Variants in MEIS2 observed in about 807,000 individuals in gnomAD.
The protein encoded by MEIS2 is homeobox protein Meis2.
In MEIS2, 9 loss-of-function variants were observed where a neutral mutation model predicts 58.6. The observed-to-expected ratio is 0.15, with a 90% CI of 0.09 to 0.27. The LOEUF is 0.27. Among genes scored for constraint, MEIS2 ranks in the 10% least tolerant of loss-of-function variants. The probability of loss-of-function intolerance (pLI) is 1.00; values close to 1 mark genes in which losing one functional copy is unlikely to be tolerated. For missense variants in MEIS2, 427 were observed against 635.0 expected (o/e 0.67, Z 3.52); for synonymous variants, 221 against 228.4 (o/e 0.97, Z 0.29).
intron 9 of MEIS2, among the ~76,000 whole-genome samples, chr15:36,935,539 T>G (rs1239815776): frequency 6.6e-6 from 1 of 152,180 alleles, no homozygotes; most frequent in Non-Finnish European, 1.5e-5. Context: ...AAGAGAGAGC[T>G]TTAACTTTTC....
intron 10 of MEIS2, 110 bp from the exon 11 acceptor site, chr15:36,895,371 C>T (rs2056118801): frequency 1.1e-6 from 1 of 893,838 alleles, no homozygotes; most frequent in Non-Finnish European, 1.7e-6. Context: ...ATGTGGTTGG[C>T]ACTCTACAAA....
At chr15:36,962,895 A>G (rs2050816124) in intron 8 of MEIS2, among the ~76,000 whole-genome samples, 1 of 152,266 alleles carries the variant, frequency 6.6e-6, no homozygotes, top group South Asian at 2.1e-4. Flanking sequence ...AATCTAAGAT[A>G]CTATTTGTAT....
intron 8 of MEIS2, among the ~76,000 whole-genome samples, chr15:36,952,927 A>T (rs1413221186): frequency 3.3e-5 from 5 of 152,068 alleles, no homozygotes; most frequent in Non-Finnish European, 7.4e-5. Context: ...CACAATCATT[A>T]AAAAAATTGG....
chr15:36,979,919 A>G (rs972462104), intron 8 of MEIS2, among the ~76,000 whole-genome samples: 2 of 149,550 alleles, frequency 1.3e-5, no homozygotes, highest in African/African-American at 4.9e-5. Context: ...AGGATTATAT[A>G]AAAACCCCAT....
chr15:37,030,676 AG>A (rs1442971655), intron 8 of MEIS2, among the ~76,000 whole-genome samples: 1 of 151,436 alleles, frequency 6.6e-6, no homozygotes, highest in East Asian at 1.9e-4. Flanking sequence ...TCTTTGAGAC[AG>A]GGTCTCACTT....
intron 7 of MEIS2, among the ~76,000 whole-genome samples, chr15:37,050,102 A>G (rs750600460): frequency 1.3e-5 from 2 of 152,124 alleles, no homozygotes; most frequent in Non-Finnish European, 2.9e-5. Context: ...TCCACTCTCA[A>G]TTCTATTGCA....
At chr15:37,021,456 A>G (rs954791250) in intron 8 of MEIS2, among the ~76,000 whole-genome samples, 1 of 152,212 alleles carries the variant, frequency 6.6e-6, no homozygotes, top group Non-Finnish European at 1.5e-5. Context: ...GAAAACTCCA[A>G]TATGTATGAC....
intron 6 of MEIS2, among the ~76,000 whole-genome samples, chr15:37,089,307 C>G (rs887589519): frequency 2.6e-5 from 4 of 152,016 alleles, no homozygotes; most frequent in African/African-American, 9.7e-5. Context: ...ATAGAACAAC[C>G]ACTTGAACCT....
In MEIS2 at chr15:36,895,277, C is replaced by A. The variant is rs941788517; in HGVS notation, c.1037-16G>T. The A allele has an allele frequency of 6.2e-7, 1 of 1,604,036 alleles. No homozygotes were observed. Among genetic ancestry groups the A allele is most frequent in the South Asian group, 1.1e-5 (1 of 90,804 alleles). On this transcript the variant is annotated splice_polypyrimidine_tract_variant and intron_variant, in intron 10 of 11. Transcript: ENST00000561208. Reference sequence around the variant, plus strand: ...AGAAGAAAACCTGATTGTGGTCATTCGAGGACACAGAGGAGAAAGAAGAAA... The same window carrying A: ...AGAAGAAAACCTGATTGTGGTCATTAGAGGACACAGAGGAGAAAGAAGAAA...
At chr15:37,022,819 G>T (rs1017580671) in intron 8 of MEIS2, among the ~76,000 whole-genome samples, 1 of 151,558 alleles carries the variant, frequency 6.6e-6, no homozygotes, top group Non-Finnish European at 1.5e-5. Context: ...AGAACACCCG[G>T]CTAATTTTTG....
chr15:37,099,541 C>G lies in MEIS2; in HGVS notation c.-75G>C, dbSNP rs1247607971. On this transcript the variant is annotated 5_prime_UTR_variant, in exon 1 of 12. Coordinates refer to ENST00000561208, the MANE Select transcript of MEIS2 (RefSeq NM_170675.5). ...AGTCCGGATAAGAAAGTGATCTAGG[C>G]TGAAGATTCCTTTTTTTTTTTTCCA... is the stretch of plus-strand genomic sequence containing the variant. The G allele has an allele frequency of 4.5e-6, 7 of 1,571,096 alleles. No homozygotes were observed. In the African/African-American group the frequency reaches 6.9e-5, roughly 16 times the overall value.
intron 9 of MEIS2, among the ~76,000 whole-genome samples, chr15:36,941,782 C>T (rs2058384962): frequency 6.6e-6 from 1 of 152,152 alleles, no homozygotes; most frequent in Non-Finnish European, 1.5e-5. Context: ...AAGGAAGACC[C>T]ATTCCTTCCT....
In MEIS2 at chr15:37,099,477, T is replaced by A; in HGVS notation, c.-11A>T. 6.2e-7 allele frequency: 1 copy of A among 1,613,892 alleles called. No individual in the cohort carries two copies. Among genetic ancestry groups the A allele is most frequent in the Non-Finnish European group, 8.5e-7 (1 of 1,179,996 alleles). ...TACCCTTTGCGCCATCAGTCTGCGC[T>A]CCAATAAACTCCTGGATGTGTCGTA... On this transcript the variant is annotated 5_prime_UTR_variant, in exon 1 of 12. Transcript: ENST00000561208.
chr15:37,095,538 G>A, intron 4 of MEIS2, 26 bp downstream of exon 4: 1 of 1,614,084 alleles, frequency 6.2e-7, no homozygotes, highest in South Asian at 1.1e-5. Flanking sequence ...AAAGGCTGGG[G>A]AAAAACAAGG....
intron 7 of MEIS2, among the ~76,000 whole-genome samples, chr15:37,050,202 C>A (rs1437157479): frequency 2.0e-5 from 3 of 152,170 alleles, no homozygotes; most frequent in Non-Finnish European, 4.4e-5. Flanking sequence ...CAGATACACA[C>A]ACACACATCC....
At chr15:36,931,026 T>C (rs1386303460) in intron 9 of MEIS2, among the ~76,000 whole-genome samples, 1 of 152,210 alleles carries the variant, frequency 6.6e-6, no homozygotes, top group African/African-American at 2.4e-5. Flanking sequence ...CACATTTTTT[T>C]CTGTATTGGT....
intron 7 of MEIS2, among the ~76,000 whole-genome samples, chr15:37,053,076 T>C (rs931989647): frequency 1.3e-5 from 2 of 152,164 alleles, no homozygotes; most frequent in Admixed American, 1.3e-4. Context: ...GAGGAAAAGT[T>C]GTTCAACCTT....
chr15:37,008,229 A>T (rs747586730), intron 8 of MEIS2, among the ~76,000 whole-genome samples: 3 of 152,250 alleles, frequency 2.0e-5, no homozygotes, highest in Non-Finnish European at 4.4e-5. Context: ...TAGGACAATG[A>T]ACTTGGCGTT....
At chr15:37,031,780 T>C (rs1190207217) in intron 8 of MEIS2, among the ~76,000 whole-genome samples, 2 of 151,386 alleles carry the variant, frequency 1.3e-5, no homozygotes, top group Admixed American at 1.3e-4. Flanking sequence ...GAATCTGTAG[T>C]TTCAAGGCAG....
Sources: gnomAD v4.1 joint callset for allele counts (sites outside exome capture counted in the v4.1 genomes callset) on GRCh38, gnomAD v4.1.1 for gene constraint, MANE v1.5 for transcripts, NCBI Gene and HGNC (gene_info 2026-07-23, HGNC 2026-07-21) for gene names.